Variants in CELSR2 observed in about 807,000 individuals in gnomAD.
CELSR2 encodes the protein cadherin EGF LAG seven-pass G-type receptor 2.
In CELSR2, 81 loss-of-function variants were observed where a neutral mutation model predicts 251.6. That is an observed-to-expected ratio of 0.32 (90% confidence interval 0.27 to 0.39). The LOEUF (loss-of-function observed/expected upper bound fraction) is 0.39. Ranked by LOEUF, CELSR2 falls within the 10% of genes least tolerant of loss-of-function variation. The probability of loss-of-function intolerance (pLI) is 1.00; values close to 1 mark genes in which losing one functional copy is unlikely to be tolerated. For missense variants in CELSR2, 3,365 were observed against 3,947.7 expected (o/e 0.85, Z 3.96); for synonymous variants, 1,721 against 1,670.5 (o/e 1.03, Z -0.74).
intron 13 of CELSR2, 130 bp downstream of exon 13, chr1:109,265,441 G>A (rs1656159086): frequency 2.7e-6 from 3 of 1,118,906 alleles, no homozygotes; most frequent in African/African-American, 3.1e-5. Context: ...GCTCTCACAG[G>A]CAGGGCAGTT....
Position 109,252,812 on chromosome 1 carries a change from G to GCAAC in CELSR2, c.2733_2734insCAAC (p.Leu912GlnfsTer6). 1 of 1,614,042 alleles carries GCAAC rather than the reference G, an allele frequency of 6.2e-7. No individual in the cohort carries two copies. ...CACCTATGGAAGTGACAGTCACTGTGTTGGATGTGAATGACAATCCCCCTG... is the reference window on the plus strand; with the variant it reads ...CACCTATGGAAGTGACAGTCACTGTGCAACTTGGATGTGAATGACAATCCCCCTG... On this transcript the variant is annotated frameshift_variant, in exon 1 of 34. Transcript: ENST00000271332. LOFTEE classifies it high-confidence loss of function. This position sits in a 1 kb window ranked among gnomAD's most constrained non-coding sequence, Gnocchi z 4.8.
At chr1:109,264,404 C>A in intron 10 of CELSR2, 39 bp downstream of exon 10, 1 of 1,597,538 alleles carries the variant, frequency 6.3e-7, no homozygotes, top group Non-Finnish European at 8.6e-7. Context: ...CCTCCCCCAC[C>A]ACCTGCAGCC....
chr1:109,271,872 GGGA>G lies in CELSR2; in HGVS notation c.7926+155_7926+157del, dbSNP rs1317428514. ...GAGGTGAAATGCTGTGTTCGGCCTGGGGAGGAGATGTTGGAAAGGGTGTGTAGG... is the reference window on the plus strand; with the variant it reads ...GAGGTGAAATGCTGTGTTCGGCCTGGGGAGATGTTGGAAAGGGTGTGTAGG... On this transcript the variant is annotated intron_variant, in intron 28 of 33. Coordinates refer to ENST00000271332, the MANE Select transcript of CELSR2 (RefSeq NM_001408.3). 5 of 1,059,306 alleles carry G rather than the reference GGGA, an allele frequency of 4.7e-6. No individual in the cohort carries two copies. The African/African-American group carries it at 4.8e-5, about 10-fold the overall frequency. The allele number at this position is 1,059,306 out of a possible 1,614,324, so 65.6% of individuals were successfully genotyped here. A position where few individuals can be genotyped will look rare whatever the true frequency, so the allele number is the denominator to read the frequency against.
chr1:109,253,491 A>G (rs1357044701), intron 1 of CELSR2, 102 bp downstream of exon 1: 13 of 1,475,778 alleles, frequency 8.8e-6, no homozygotes. Context: ...CTACAGATCC[A>G]CCTCCCTGCC....
chr1:109,271,319 T>C, intron 26 of CELSR2, 23 bp downstream of exon 26: 1 of 1,613,834 alleles, frequency 6.2e-7, no homozygotes, highest in East Asian at 2.2e-5. Context: ...TTGGGGTGCC[T>C]GGGCCATGGG....
intron 13 of CELSR2, 41 bp from the exon 14 acceptor site, chr1:109,265,694 G>A (rs758013624): frequency 6.3e-7 from 1 of 1,584,848 alleles, no homozygotes; most frequent in Non-Finnish European, 8.6e-7. Context: ...ATCCTGGGAA[G>A]AGAGCCTGGC....
At chr1:109,268,855 G>T (rs201171579) in intron 18 of CELSR2, 25 bp from the exon 19 acceptor site, 13 of 1,592,590 alleles carry the variant, frequency 8.2e-6, no homozygotes, top group South Asian at 2.2e-5. Flanking sequence ...TCACAGGTCC[G>T]ATCTGTGACC....
At chr1:109,264,816 T>C (rs1280088929) in intron 11 of CELSR2, 52 bp from the exon 12 acceptor site, 2 of 1,612,356 alleles carry the variant, frequency 1.2e-6, no homozygotes, top group African/African-American at 2.7e-5. Flanking sequence ...TGATGGAAGA[T>C]GGTGCCAGGG....
intron 33 of CELSR2, 125 bp from the exon 34 acceptor site, chr1:109,273,897 C>A: frequency 7.4e-7 from 1 of 1,342,698 alleles, no homozygotes; most frequent in Non-Finnish European, 1.1e-6. Context: ...GGGCAGAGTG[C>A]GGGAGGATGG....
Position 109,252,253 on chromosome 1 carries a change from G to T in CELSR2, c.2174G>T (p.Arg725Leu). 1.2e-6 allele frequency: 2 copies of T among 1,613,372 alleles called. No individual in the cohort carries two copies. The highest frequency in any genetic ancestry group is 8.5e-7 in the Non-Finnish European group (1 of 1,180,028). Residue 725 changes from arginine (R) to leucine (L), a missense_variant, in exon 1 of 34, where the codon CGG becomes CTG. Coordinates refer to ENST00000271332, the MANE Select transcript of CELSR2 (RefSeq NM_001408.3). The surrounding 1 kb of genome is among the most constrained non-coding windows in gnomAD (Gnocchi z 4.8). Reference protein sequence around the residue: ...SHYTVNVNEDRPAGTTVVLIS... With the variant: ...SHYTVNVNEDLPAGTTVVLIS... ...TATACAGTGAATGTTAATGAGGACCGGCCGGCAGGCACCACGGTGGTGCTG... is the reference window on the plus strand; with the variant it reads ...TATACAGTGAATGTTAATGAGGACCTGCCGGCAGGCACCACGGTGGTGCTG...
chr1:109,267,417 A>G (rs1171237894), intron 15 of CELSR2, 131 bp from the exon 16 acceptor site: 1 of 742,214 alleles, frequency 1.3e-6, no homozygotes, highest in Non-Finnish European at 2.2e-6. Flanking sequence ...TTCCTGTTTC[A>G]CCAGGGCCCT....
Position 109,252,579 on chromosome 1 carries a change from G to A in CELSR2, c.2500G>A (p.Val834Ile), listed in dbSNP as rs754886779. The A allele has an allele frequency of 1.1e-5, 17 of 1,613,904 alleles. No homozygotes were observed. The highest frequency in any genetic ancestry group is 6.7e-5 in the East Asian group (3 of 44,888). The change falls in exon 1 of 34, where the codon GTC (valine) becomes ATC (isoleucine). Residue 834 changes from valine (V) to isoleucine (I), a missense_variant. This residue lies in a region of CELSR2 where 505 missense variants were observed against 660.0 expected (regional missense o/e 0.77). Transcript: ENST00000271332. This position sits in a 1 kb window ranked among gnomAD's most constrained non-coding sequence, Gnocchi z 4.8. ...VYEDVPPFTS[V>I]LQISATDRDS... is the part of the protein sequence containing the mutation. ...TGAGGATGTGCCACCCTTCACTAGC[G>A]TCCTGCAGATCTCAGCCACTGATCG...
At position 109,262,965 on chromosome 1, in the gene CELSR2, G is replaced by T. The variant is rs200841982; in HGVS notation, c.4704G>T (p.Val1568=). Residue 1568 remains valine (V), a synonymous_variant, in exon 7 of 34, where the codon GTG becomes GTT. Coordinates refer to ENST00000271332, the MANE Select transcript of CELSR2 (RefSeq NM_001408.3). ...MADFIANNGT[V]PGCPAKKNVC... Reference sequence around the variant, plus strand: ...ACTTCATTGCCAACAATGGCACCGTGCCTGGTATGGGGGCCCGGGGTGGAG... The same window carrying T: ...ACTTCATTGCCAACAATGGCACCGTTCCTGGTATGGGGGCCCGGGGTGGAG... The T allele has an allele frequency of 1.4e-4, 230 of 1,612,304 alleles. No individual in the cohort carries two copies. Among genetic ancestry groups the T allele is most frequent in the Admixed American group, 5.8e-4 (35 of 60,006 alleles).
At position 109,258,954 on chromosome 1, in the gene CELSR2, C is replaced by G. The variant is rs763181590; in HGVS notation, c.3833C>G (p.Pro1278Arg). The G allele has an allele frequency of 6.2e-7, 1 of 1,611,458 alleles. No individual in the cohort carries two copies. The highest frequency in any genetic ancestry group is 1.7e-5 in the Admixed American group (1 of 59,978). The change falls in exon 2 of 34, where the codon CCC becomes CGC. Residue 1278 changes from proline (P) to arginine (R), a missense_variant. By Grantham distance (103) the Pro-to-Arg change is moderately radical (BLOSUM62 -2). Transcript: ENST00000271332. ...PVGGLRCRCP[P>R]GFTGDYCETE... is the part of the protein sequence containing the mutation. Reference sequence around the variant, plus strand: ...GGAGGGCTGCGCTGCCGCTGCCCGCCCGGCTTCACGGGTGACTACTGCGAG... The same window carrying G: ...GGAGGGCTGCGCTGCCGCTGCCCGCGCGGCTTCACGGGTGACTACTGCGAG...
rs1450428865 is a variant in CELSR2 at position 109,253,405 on chromosome 1, G to A, written c.3310+16G>A. On this transcript the variant is annotated intron_variant, in intron 1 of 33. Transcript: ENST00000271332. ...CTGGTGTCAGGTAAGGAAGGGCCCAGGTGGCGCTGGGGTGGGGGTAGCTCG... is the reference window on the plus strand; with the variant it reads ...CTGGTGTCAGGTAAGGAAGGGCCCAAGTGGCGCTGGGGTGGGGGTAGCTCG... 1.2e-6 allele frequency: 2 copies of A among 1,606,338 alleles called. No homozygotes were observed. The highest frequency in any genetic ancestry group is 8.5e-7 in the Non-Finnish European group (1 of 1,176,940).
At position 109,252,271 on chromosome 1, in the gene CELSR2, T is replaced by G. The variant is rs1570775069; in HGVS notation, c.2192T>G (p.Val731Gly). The change falls in exon 1 of 34, where the codon GTG (valine) becomes GGG (glycine). Residue 731 changes from valine (V) to glycine (G), a missense_variant. Coordinates refer to ENST00000271332, the MANE Select transcript of CELSR2 (RefSeq NM_001408.3). This position sits in a 1 kb window ranked among gnomAD's most constrained non-coding sequence, Gnocchi z 4.8. ...VNEDRPAGTTVVLISATDEDT... is the reference protein window; with the variant it reads ...VNEDRPAGTTGVLISATDEDT... The stretch of plus-strand genomic sequence containing the variant: ...GAGGACCGGCCGGCAGGCACCACGG[T>G]GGTGCTGATCAGCGCCACGGATGAG... The G allele has an allele frequency of 1.2e-6, 2 of 1,613,232 alleles. No individual in the cohort carries two copies. The highest frequency in any genetic ancestry group is 1.7e-6 in the Non-Finnish European group (2 of 1,180,012).
chr1:109,270,193 C>T (rs563328788), intron 23 of CELSR2, 60 bp downstream of exon 23: 2 of 1,537,156 alleles, frequency 1.3e-6, no homozygotes, highest in Non-Finnish European at 1.8e-6. Context: ...TCCCCAGCCC[C>T]CACTGGCAAC....
chr1:109,270,372 G>C, intron 23 of CELSR2, 54 bp from the exon 24 acceptor site: 1 of 1,593,054 alleles, frequency 6.3e-7, no homozygotes, highest in Non-Finnish European at 8.6e-7. Flanking sequence ...CCGAAGCAGA[G>C]CCTGTGCTCT....
chr1:109,259,599 AC>A (rs994728303), intron 2 of CELSR2, among the ~76,000 whole-genome samples: 1 of 152,056 alleles, frequency 6.6e-6, no homozygotes, highest in African/African-American at 2.4e-5. Flanking sequence ...TGGGCCTAGA[AC>A]CTGGTCTCTC....
Sources: gnomAD v4.1 joint callset for allele counts (sites outside exome capture counted in the v4.1 genomes callset) on GRCh38, gnomAD v4.1.1 for gene constraint, gnomAD v4.1.1 regional missense constraint, Gnocchi (gnomAD v3.1) non-coding constraint, MANE v1.5 for transcripts, NCBI Gene and HGNC (gene_info 2026-07-23, HGNC 2026-07-21) for gene names.